Variants in DCDC1 observed in about 807,000 individuals in gnomAD.
DCDC1 encodes doublecortin domain-containing protein 1.
A neutral mutation model predicts 178.3 loss-of-function variants in DCDC1; 200 were observed. The ratio of observed to expected loss-of-function variants is 1.12; its 90% CI spans 1.00 to 1.26. The LOEUF (loss-of-function observed/expected upper bound fraction) is 1.26, where lower values mean the gene tolerates loss of function less well. DCDC1 is among the 50% of genes most tolerant of loss of function. The pLI, the probability that DCDC1 is intolerant of heterozygous loss-of-function variation, is 0.00. For missense variants in DCDC1, 1,983 were observed against 1,749.2 expected (o/e 1.13, Z -2.38); for synonymous variants, 690 against 604.8 (o/e 1.14, Z -2.07).
chr11:31,139,826 G>A (rs1045889779), intron 9 of DCDC1, among the ~76,000 whole-genome samples: 1 of 152,072 alleles, frequency 6.6e-6, no homozygotes, highest in Non-Finnish European at 1.5e-5. Context: ...CTACATAAAA[G>A]GGGGAAAACA....
intron 9 of DCDC1, among the ~76,000 whole-genome samples, chr11:31,150,523 C>A (rs896206505): frequency 1.3e-5 from 2 of 152,004 alleles, no homozygotes; most frequent in Admixed American, 1.3e-4. Flanking sequence ...GTAGTATAAC[C>A]GTCTTTCTTT....
rs556194727 is a variant in DCDC1 at position 30,900,334 on chromosome 11, C to G, written c.4663+12G>C. On this transcript the variant is annotated intron_variant, in intron 33 of 38. Transcript: ENST00000684477. ...ATACTTGCTTGAAAGAAAGCAAAAA[C>G]AAAAAAGTTACCATTTGGAGGTAGA... 1 of 1,499,854 alleles carries G rather than the reference C, an allele frequency of 6.7e-7. No homozygotes were observed. The highest frequency in any genetic ancestry group is 2.4e-5 in the East Asian group (1 of 41,542). 92.9% of individuals were successfully genotyped at this position (1,499,854 alleles called of 1,614,324 possible).
intron 9 of DCDC1, among the ~76,000 whole-genome samples, chr11:31,174,005 G>C (rs573865463): frequency 6.6e-6 from 1 of 152,118 alleles, no homozygotes; most frequent in Admixed American, 6.5e-5. Flanking sequence ...CCAGGAACAG[G>C]TGGAAGCCCT....
rs55829692 is a variant in DCDC1, at chr11:31,148,210, T to TAAAAAAAA, written c.1222-10434_1222-10427dup. 3.0e-3 allele frequency among the ~76,000 whole-genome samples: 291 copies of TAAAAAAAA among 95,646 alleles called. 4 individuals carry two copies. Among genetic ancestry groups the TAAAAAAAA allele is most frequent in the African/African-American group, 0.011 (276 of 25,494 alleles). The allele number at this position is 95,646 out of a possible 152,430, so 62.7% of individuals were successfully genotyped here. A position where few individuals can be genotyped will look rare whatever the true frequency, so the allele number is the denominator to read the frequency against. ...GTGTAAGAGCTAGAATTTATTATTA[T>TAAAAAAAA]AAAAAAAAAAAAAAAAAAAAAAAAC... On this transcript the variant is annotated intron_variant, in intron 9 of 38. Coordinates refer to ENST00000684477, the MANE Select transcript of DCDC1 (RefSeq NM_001387274.1).
At chr11:31,326,804 T>G (rs1488107194) in intron 3 of DCDC1, among the ~76,000 whole-genome samples, 1 of 152,184 alleles carries the variant, frequency 6.6e-6, no homozygotes, top group African/African-American at 2.4e-5. Context: ...CATAAGAAGA[T>G]TAACATAATC....
At chr11:31,151,365 T>A (rs1266360665) in intron 9 of DCDC1, among the ~76,000 whole-genome samples, 1 of 152,190 alleles carries the variant, frequency 6.6e-6, no homozygotes, top group East Asian at 1.9e-4. Context: ...TCTATTATGA[T>A]CTTTTATGAC....
intron 7 of DCDC1, among the ~76,000 whole-genome samples, chr11:31,267,101 G>C (rs1419812788): frequency 6.6e-6 from 1 of 152,136 alleles, no homozygotes. Flanking sequence ...CTGCAATTCA[G>C]AGCATTGAGC....
intron 20 of DCDC1, among the ~76,000 whole-genome samples, chr11:30,982,411 T>A (rs530441674): frequency 4.6e-5 from 7 of 152,210 alleles, no homozygotes; most frequent in Non-Finnish European, 8.8e-5. Flanking sequence ...TTCATACAAC[T>A]CAGACTGATT....
intron 22 of DCDC1, among the ~76,000 whole-genome samples, chr11:30,925,930 C>T (rs1419074485): frequency 6.6e-6 from 1 of 152,110 alleles, no homozygotes; most frequent in Non-Finnish European, 1.5e-5. Context: ...TTGAAACAGA[C>T]GTTTTTAGCC....
chr11:31,216,456 G>T (rs1186703022), intron 9 of DCDC1, among the ~76,000 whole-genome samples: 1 of 116,342 alleles, frequency 8.6e-6, no homozygotes, highest in African/African-American at 3.3e-5. Flanking sequence ...CAGCTGAAGT[G>T]GCAAACATTT....
At chr11:30,930,883 GCTTGA>G (rs1301857976) in intron 22 of DCDC1, among the ~76,000 whole-genome samples, 1 of 152,052 alleles carries the variant, frequency 6.6e-6, no homozygotes, top group Non-Finnish European at 1.5e-5. Flanking sequence ...TCAATTTCAG[GCTTGA>G]CTTTACTTTG....
intron 20 of DCDC1, among the ~76,000 whole-genome samples, chr11:30,990,456 ACTTT>A (rs926446270): frequency 2.6e-5 from 4 of 152,118 alleles, no homozygotes; most frequent in Non-Finnish European, 4.4e-5. Context: ...ACAGGTAAGA[ACTTT>A]CTTTATGAGT....
chr11:31,321,687 C>T (rs1449118192), intron 3 of DCDC1, among the ~76,000 whole-genome samples: 1 of 152,068 alleles, frequency 6.6e-6, no homozygotes, highest in Non-Finnish European at 1.5e-5. Context: ...CCCCGCCCTG[C>T]ATACCTTTTT....
At chr11:31,316,153 C>T (rs1186163894) in intron 3 of DCDC1, among the ~76,000 whole-genome samples, 2 of 77,420 alleles carry the variant, frequency 2.6e-5, no homozygotes, top group Non-Finnish European at 4.6e-5. Context: ...GATTTATAGT[C>T]CTTTGGGTAT....
At chr11:31,186,824 G>C (rs1415706374) in intron 9 of DCDC1, among the ~76,000 whole-genome samples, 1 of 152,148 alleles carries the variant, frequency 6.6e-6, no homozygotes, top group Non-Finnish European at 1.5e-5. Context: ...AGCTTCTCTG[G>C]AAACATCCTT....
intron 37 of DCDC1, among the ~76,000 whole-genome samples, chr11:30,880,471 C>T (rs1043374542): frequency 6.6e-6 from 1 of 152,124 alleles, no homozygotes; most frequent in Non-Finnish European, 1.5e-5. Context: ...TTTATGGTGA[C>T]TTCTTAAAAG....
intron 22 of DCDC1, among the ~76,000 whole-genome samples, chr11:30,927,183 A>G (rs970370063): frequency 1.3e-5 from 2 of 151,982 alleles, no homozygotes; most frequent in African/African-American, 4.8e-5. Context: ...GCTGCCCCTT[A>G]CAATGTTCTC....
chr11:31,190,585 C>T (rs1414413508), intron 9 of DCDC1, among the ~76,000 whole-genome samples: 1 of 152,066 alleles, frequency 6.6e-6, no homozygotes, highest in African/African-American at 2.4e-5. Flanking sequence ...TAACACAAAT[C>T]CTCATTCTGA....
chr11:31,092,202 T>G (rs1298619478), intron 16 of DCDC1, among the ~76,000 whole-genome samples: 1 of 152,192 alleles, frequency 6.6e-6, no homozygotes, highest in Non-Finnish European at 1.5e-5. Flanking sequence ...AAGAGAGAGT[T>G]CAATCTTAAA....
Sources: allele counts gnomAD v4.1 joint callset (sites outside exome capture counted in the v4.1 genomes callset), GRCh38; gene constraint gnomAD v4.1.1; transcripts MANE v1.5; gene names NCBI Gene and HGNC (gene_info 2026-07-23, HGNC 2026-07-21).